ZNF556: variants seen among roughly 807,000 people sequenced by gnomAD.
ZNF556 encodes zinc finger protein 556.
Under a neutral mutation model 13.6 loss-of-function variants are expected in ZNF556, and 11 were observed. The observed-to-expected ratio is 0.81, with a 90% CI of 0.51 to 1.33. The LOEUF (loss-of-function observed/expected upper bound fraction) is 1.33. Ranked by LOEUF, ZNF556 falls within the 40% of genes most tolerant of loss-of-function variation. The pLI, the probability that ZNF556 is intolerant of heterozygous loss-of-function variation, is 0.00. For missense variants in ZNF556, 633 were observed against 566.2 expected, an observed-to-expected ratio of 1.12 and a Z score of -1.20; for synonymous variants, 229 against 207.8, an observed-to-expected ratio of 1.10 and a Z score of -0.88.
In ZNF556 at chr19:2,877,931, G is replaced by A. The variant is rs771601291; in HGVS notation, c.973G>A (p.Gly325Ser). 12 of 1,614,166 alleles carry A rather than the reference G, an allele frequency of 7.4e-6. No individual in the cohort carries two copies. Among genetic ancestry groups the A allele is most frequent in the South Asian group, 3.3e-5 (3 of 91,086 alleles). ...YKCGKCGKAF[G>S]WPSSLHKHAR... is the part of the protein sequence containing the mutation. ...GTGTGGAAAATGCGGGAAAGCATTC[G>A]GTTGGCCCTCATCCTTACACAAACA... Residue 325 changes from glycine to serine, a missense_variant, in exon 4 of 4, where the codon GGT (glycine) becomes AGT (serine). Coordinates refer to ENST00000307635, the MANE Select transcript of ZNF556 (RefSeq NM_024967.3).
At chr19:2,869,788 C>G (rs756333243) in intron 1 of ZNF556, among the ~76,000 whole-genome samples, 16 of 152,156 alleles carry the variant, frequency 1.1e-4, no homozygotes, top group Admixed American at 6.5e-4. Flanking sequence ...GTATGTGTCC[C>G]CTATGATCTA....
intron 1 of ZNF556, among the ~76,000 whole-genome samples, chr19:2,870,035 C>T (rs1266571728): frequency 6.6e-6 from 1 of 152,142 alleles, no homozygotes; most frequent in Non-Finnish European, 1.5e-5. Flanking sequence ...GGCTGTTTCT[C>T]CCACCCAGAA....
chr19:2,878,312 T>G lies in ZNF556; in HGVS notation c.1354T>G (p.Ser452Ala). The G allele has an allele frequency of 1.9e-6, 3 of 1,613,140 alleles. No individual in the cohort carries two copies. The highest frequency in any genetic ancestry group is 2.5e-6 in the Non-Finnish European group (3 of 1,179,652). The change falls in exon 4 of 4, where the codon TCC becomes GCC. Residue 452 changes from serine to alanine, a missense_variant. Transcript: ENST00000307635. ...TGTGAGAAGTCACACAGGAAAGAAATCCTGTACATCTAAGTAATGGGGGAA... is the reference window on the plus strand; with the variant it reads ...TGTGAGAAGTCACACAGGAAAGAAAGCCTGTACATCTAAGTAATGGGGGAA... ...GHVRSHTGKK[S>A]CTSK
Position 2,878,470 on chromosome 19 carries a change from A to G in ZNF556, c.*141A>G. ...CGGATCACGAGGTCAGGAGATCAAGACCATCCTGGCTATGGTGAAACCCCG... is the reference window on the plus strand; with the variant it reads ...CGGATCACGAGGTCAGGAGATCAAGGCCATCCTGGCTATGGTGAAACCCCG... On this transcript the variant is annotated 3_prime_UTR_variant, in exon 4 of 4. Transcript: ENST00000307635. The G allele has an allele frequency of 1.4e-6, 1 of 738,476 alleles. No individual in the cohort carries two copies. Among genetic ancestry groups the G allele is most frequent in the Non-Finnish European group, 2.2e-6 (1 of 459,538 alleles). The allele number at this position is 738,476 out of a possible 1,614,324, so 45.7% of individuals were successfully genotyped here. A position where few individuals can be genotyped will look rare whatever the true frequency, so the allele number is the denominator to read the frequency against.
In ZNF556 at chr19:2,873,436, A is replaced by C. The variant is rs2087821622; in HGVS notation, c.4-60A>C. The C allele has an allele frequency of 7.5e-6, 12 of 1,594,256 alleles. No homozygotes were observed. The South Asian group carries it at 1.1e-4, about 15-fold the overall frequency. On this transcript the variant is annotated intron_variant, in intron 1 of 3. Coordinates refer to ENST00000307635, the MANE Select transcript of ZNF556 (RefSeq NM_024967.3). ...TGTGAGTGTCCTATGAACTGAGTTC[A>C]GTTCCGCAGTGCTGTGAGTTTTACC...
chr19:2,873,447 G>C, intron 1 of ZNF556, 49 bp from the exon 2 acceptor site: 2 of 1,605,208 alleles, frequency 1.2e-6, no homozygotes, highest in Non-Finnish European at 1.7e-6. Context: ...GTTCCGCAGT[G>C]CTGTGAGTTT....
intron 2 of ZNF556, chr19:2,875,281 T>C (rs1019845160): frequency 6.6e-6 from 1 of 152,100 alleles, no homozygotes; most frequent in Admixed American, 6.6e-5. Context: ...GCAAGCTCTG[T>C]GTCTCAGGTT....
In ZNF556 at chr19:2,873,711, T is replaced by TA. The variant is rs2087825102; in HGVS notation, c.130+90dup. ...GTTCATGCCTGTATTCCCAGTGCTT[T>TA]AGGAGGCTAAGGCAGGAGGATCACT... On this transcript the variant is annotated intron_variant, in intron 2 of 3. Coordinates refer to ENST00000307635, the MANE Select transcript of ZNF556 (RefSeq NM_024967.3). 8 of 1,480,524 alleles carry TA rather than the reference T, an allele frequency of 5.4e-6. No individual in the cohort carries two copies. In the South Asian group the frequency reaches 1.0e-4, roughly 19 times the overall value. The allele number at this position is 1,480,524 out of a possible 1,614,324, so 91.7% of individuals were successfully genotyped here.
In ZNF556 at chr19:2,878,800, A is replaced by C. The variant is rs2087883558; in HGVS notation, c.*471A>C. The C allele has an allele frequency of 6.4e-6, 1 of 155,922 alleles. No homozygotes were observed. The highest frequency in any genetic ancestry group is 1.4e-5 in the Non-Finnish European group (1 of 70,314). 9.7% of individuals were successfully genotyped at this position (155,922 alleles called of 1,614,324 possible). ...ATGAATTTGCAGTTCTCTTGCAGGT[A>C]AAGTTGAGGGGAGAATCCTGTAAGT... On this transcript the variant is annotated 3_prime_UTR_variant, in exon 4 of 4. Transcript: ENST00000307635.
intron 1 of ZNF556, among the ~76,000 whole-genome samples, chr19:2,869,934 T>C (rs2087788504): frequency 6.6e-6 from 1 of 152,148 alleles, no homozygotes; most frequent in Non-Finnish European, 1.5e-5. Flanking sequence ...CCCCCTTGGC[T>C]GTCACTCCCC....
chr19:2,872,208 A>T (rs2087808865), intron 1 of ZNF556, among the ~76,000 whole-genome samples: 1 of 151,644 alleles, frequency 6.6e-6, no homozygotes, highest in Non-Finnish European at 1.5e-5. Context: ...GAGGTGGAGG[A>T]GTAGAGTCTT....
chr19:2,877,847 T>C lies in ZNF556; in HGVS notation c.889T>C (p.Cys297Arg). 1 of 1,614,112 alleles carries C rather than the reference T, an allele frequency of 6.2e-7. No homozygotes were observed. Among genetic ancestry groups the C allele is most frequent in the Non-Finnish European group, 8.5e-7 (1 of 1,180,014 alleles). Residue 297 changes from cysteine (C) to arginine (R), a missense_variant, in exon 4 of 4, where the codon TGC (cysteine) becomes CGC (arginine). Coordinates refer to ENST00000307635, the MANE Select transcript of ZNF556 (RefSeq NM_024967.3). ...YECKQCGKAY[C>R]WATSFQRHVR... Reference sequence around the variant, plus strand: ...GTGCAAGCAGTGTGGGAAAGCCTACTGCTGGGCAACATCCTTTCAACGACA... The same window carrying C: ...GTGCAAGCAGTGTGGGAAAGCCTACCGCTGGGCAACATCCTTTCAACGACA...
intron 1 of ZNF556, among the ~76,000 whole-genome samples, chr19:2,868,179 G>T (rs750161601): frequency 9.9e-5 from 15 of 151,480 alleles, no homozygotes; most frequent in Non-Finnish European, 2.2e-4. Flanking sequence ...TATTTTCGGT[G>T]ATGACAAATG....
chr19:2,870,203 T>C (rs1180061619), intron 1 of ZNF556, among the ~76,000 whole-genome samples: 3 of 152,292 alleles, frequency 2.0e-5, no homozygotes, highest in Non-Finnish European at 4.4e-5. Context: ...TCCCAGCACT[T>C]TGGGAGGCCG....
rs1162028320 is a variant in ZNF556, at chr19:2,881,678, G to C, written c.*3349G>C. On this transcript the variant is annotated 3_prime_UTR_variant, in exon 4 of 4. Transcript: ENST00000307635. ...ATAGGGAATGCAGAATAAAGGATCG[G>C]GCTTCAGTAAGTGACAATCTCATCA... The C allele has an allele frequency of 6.6e-6, 1 of 151,886 alleles. No individual in the cohort carries two copies. Among genetic ancestry groups the C allele is most frequent in the Non-Finnish European group, 1.5e-5 (1 of 67,980 alleles). 9.4% of individuals were successfully genotyped at this position (151,886 alleles called of 1,614,324 possible). A position where few individuals can be genotyped will look rare whatever the true frequency, so the allele number is the denominator to read the frequency against.
chr19:2,878,094 A>G lies in ZNF556; in HGVS notation c.1136A>G (p.Tyr379Cys), dbSNP rs2087875281. 6.2e-7 allele frequency: 1 copy of G among 1,614,046 alleles called. No homozygotes were observed. The highest frequency in any genetic ancestry group is 1.7e-5 in the Admixed American group (1 of 59,994). ...AAATGTGAAACGTGTGGGAAAACGT[A>G]TGGTTGGTCCTCATCTTTACACAAA... ...VYKCETCGKT[Y>C]GWSSSLHKHE... The change falls in exon 4 of 4, where the codon TAT becomes TGT. Residue 379 changes from tyrosine (Y) to cysteine (C), a missense_variant. Transcript: ENST00000307635.
In ZNF556 at chr19:2,882,866, T is replaced by C. The variant is rs2087915847; in HGVS notation, c.*4537T>C. 6.6e-6 allele frequency: 1 copy of C among 152,208 alleles called. No individual in the cohort carries two copies. The highest frequency in any genetic ancestry group is 6.5e-5 in the Admixed American group (1 of 15,276). 9.4% of individuals were successfully genotyped at this position (152,208 alleles called of 1,614,324 possible). A position where few individuals can be genotyped will look rare whatever the true frequency, so the allele number is the denominator to read the frequency against. ...ACCGCACCAGGCCCATGTCATATGTTTTTATGAGTTTGGACATTGGCATCT... is the reference window on the plus strand; with the variant it reads ...ACCGCACCAGGCCCATGTCATATGTCTTTATGAGTTTGGACATTGGCATCT... On this transcript the variant is annotated 3_prime_UTR_variant, in exon 4 of 4. Coordinates refer to ENST00000307635, the MANE Select transcript of ZNF556 (RefSeq NM_024967.3).
Position 2,876,124 on chromosome 19 carries a change from T to A in ZNF556, c.162T>A (p.Ser54=). The A allele has an allele frequency of 6.2e-7, 1 of 1,611,862 alleles. No individual in the cohort carries two copies. ...DNEAQLKASG[S]ISQQDTSGEK... is the part of the protein sequence containing the mutation. Reference sequence around the variant, plus strand: ...AGGCTCAGCTTAAAGCCAGTGGGTCTATTTCTCAGCAGGATACTTCTGGAG... The same window carrying A: ...AGGCTCAGCTTAAAGCCAGTGGGTCAATTTCTCAGCAGGATACTTCTGGAG... Residue 54 remains serine, a synonymous_variant, in exon 3 of 4, where the codon TCT becomes TCA. Transcript: ENST00000307635.
rs1370923069 is a variant in ZNF556 at position 2,879,565 on chromosome 19, G to T, written c.*1236G>T. 1 of 152,076 alleles carries T rather than the reference G, an allele frequency of 6.6e-6. No individual in the cohort carries two copies. Among genetic ancestry groups the T allele is most frequent in the Non-Finnish European group, 1.5e-5 (1 of 68,108 alleles). 9.4% of individuals were successfully genotyped at this position (152,076 alleles called of 1,614,324 possible). A position where few individuals can be genotyped will look rare whatever the true frequency, so the allele number is the denominator to read the frequency against. On this transcript the variant is annotated 3_prime_UTR_variant, in exon 4 of 4. Coordinates refer to ENST00000307635, the MANE Select transcript of ZNF556 (RefSeq NM_024967.3). ...GGGTTTCACCATGTTGGCCAGGGTG[G>T]TCTCAAACTCCTGAAATCTGCCCGC...
Sources: allele counts gnomAD v4.1 joint callset (sites outside exome capture counted in the v4.1 genomes callset), GRCh38; gene constraint gnomAD v4.1.1; transcripts MANE v1.5; gene names NCBI Gene and HGNC (gene_info 2026-07-23, HGNC 2026-07-21).